The following PCDH9 variants were observed in gnomAD, a reference collection of about 807,000 sequenced individuals.
The protein encoded by PCDH9 is protocadherin-9.
A neutral mutation model predicts 70.6 loss-of-function variants in PCDH9; 24 were observed. The ratio of observed to expected loss-of-function variants is 0.34; its 90% CI spans 0.25 to 0.48. The LOEUF (loss-of-function observed/expected upper bound fraction) is 0.48, where lower values mean the gene tolerates loss of function less well. Among genes scored for constraint, PCDH9 ranks in the 20% least tolerant of loss-of-function variants. The pLI is 0.99. For synonymous variants in PCDH9, 562 were observed against 558.5 expected (o/e 1.01, Z -0.09); for missense variants, 1,281 against 1,503.6 (o/e 0.85, Z 2.45).
rs2138143067 is a variant in PCDH9 at position 67,226,831 on chromosome 13, C to T, written c.1610G>A (p.Arg537Gln). ...CCTGGCAGTTACTGTAAAAATGAAT[C>T]GTTCTTGTTCTTCTCTGTCAAATAC... ...SRVFDREEQE[R>Q]FIFTVTARDN... Residue 537 changes from arginine (R) to glutamine (Q), a missense_variant, in exon 2 of 5, where the codon CGA becomes CAA. By Grantham distance (43) the Arg-to-Gln change is conservative (BLOSUM62 1). Coordinates refer to ENST00000377865, the MANE Select transcript of PCDH9 (RefSeq NM_203487.3). This position sits in a 1 kb window ranked among gnomAD's most constrained non-coding sequence, Gnocchi z 5.0. 1 of 1,614,094 alleles carries T rather than the reference C, an allele frequency of 6.2e-7. No individual in the cohort carries two copies. Among genetic ancestry groups the T allele is most frequent in the Non-Finnish European group, 8.5e-7 (1 of 1,180,006 alleles).
chr13:66,430,468 T>G (rs1566319320), intron 4 of PCDH9, among the ~76,000 whole-genome samples: 1 of 151,994 alleles, frequency 6.6e-6, no homozygotes, highest in Non-Finnish European at 1.5e-5. Flanking sequence ...GAGTGAAGGA[T>G]GCATTTTTAA....
chr13:66,581,174 A>T (rs1341658401), intron 4 of PCDH9, among the ~76,000 whole-genome samples: 1 of 152,216 alleles, frequency 6.6e-6, no homozygotes, highest in Non-Finnish European at 1.5e-5. Flanking sequence ...TGAATTCCAG[A>T]CAACAAAACA....
intron 2 of PCDH9, among the ~76,000 whole-genome samples, chr13:67,021,325 C>G (rs996740349): frequency 6.6e-6 from 1 of 152,120 alleles, no homozygotes; most frequent in Non-Finnish European, 1.5e-5. Context: ...TGCCTGAGCA[C>G]CAAGTACTCA....
At chr13:67,059,470 G>T (rs979082040) in intron 2 of PCDH9, among the ~76,000 whole-genome samples, 3 of 148,412 alleles carry the variant, frequency 2.0e-5, no homozygotes, top group Admixed American at 6.8e-5. Context: ...ATACAGCAAG[G>T]TATGGAATGC....
chr13:66,807,518 T>G (rs547160447), intron 3 of PCDH9, among the ~76,000 whole-genome samples: 1 of 152,172 alleles, frequency 6.6e-6, no homozygotes, highest in Non-Finnish European at 1.5e-5. Flanking sequence ...GATGTATAAG[T>G]TCCTTAACTT....
chr13:66,895,796 T>G (rs2082168317), intron 3 of PCDH9, among the ~76,000 whole-genome samples: 1 of 152,262 alleles, frequency 6.6e-6, no homozygotes, highest in Non-Finnish European at 1.5e-5. Flanking sequence ...CTCTACATTT[T>G]CGTTGTTTTG....
intron 2 of PCDH9, among the ~76,000 whole-genome samples, chr13:67,109,394 C>G (rs1383408729): frequency 6.6e-6 from 1 of 152,098 alleles, no homozygotes; most frequent in Non-Finnish European, 1.5e-5. Context: ...CTAAGTAAGT[C>G]AATAATGTAG....
At chr13:66,753,681 T>C (rs1456482799) in intron 3 of PCDH9, among the ~76,000 whole-genome samples, 1 of 152,202 alleles carries the variant, frequency 6.6e-6, no homozygotes, top group African/African-American at 2.4e-5. Context: ...CATCATCATC[T>C]GTCTTCTCAC....
chr13:67,163,847 T>C (rs927554163), intron 2 of PCDH9, among the ~76,000 whole-genome samples: 23 of 152,340 alleles, frequency 1.5e-4, no homozygotes, highest in Non-Finnish European at 2.6e-4. Context: ...GTAATCCAGA[T>C]TCTTTATTAG....
chr13:66,402,234 C>T (rs1957200937), intron 4 of PCDH9, among the ~76,000 whole-genome samples: 2 of 152,096 alleles, frequency 1.3e-5, no homozygotes, highest in South Asian at 4.1e-4. Context: ...GAAGGGAAAA[C>T]ATCATTCCTT....
intron 2 of PCDH9, among the ~76,000 whole-genome samples, chr13:67,016,735 CTTGTTTCATAGCTAA>C (rs2084569899): frequency 6.6e-6 from 1 of 152,084 alleles, no homozygotes; most frequent in African/African-American, 2.4e-5. Flanking sequence ...GCACATTTGA[CTTGTTTCATAGCTAA>C]TATTTTAGCA....
At chr13:66,483,589 C>T (rs1475080344) in intron 4 of PCDH9, among the ~76,000 whole-genome samples, 1 of 152,182 alleles carries the variant, frequency 6.6e-6, no homozygotes, top group Non-Finnish European at 1.5e-5. Context: ...AATACTCTTG[C>T]TAAAAGCAAC....
intron 3 of PCDH9, among the ~76,000 whole-genome samples, chr13:66,863,109 G>A (rs79052535): frequency 0.011 from 1,706 of 152,116 alleles, 29 homozygotes; most frequent in African/African-American, 0.039. Flanking sequence ...GTACTCAGAG[G>A]CGAATTTAAA....
At chr13:67,071,055 A>G (rs1484495693) in intron 2 of PCDH9, among the ~76,000 whole-genome samples, 1 of 152,174 alleles carries the variant, frequency 6.6e-6, no homozygotes, top group Non-Finnish European at 1.5e-5. Context: ...TTCCCAAACA[A>G]GAGGCACTAT....
chr13:66,956,415 T>C (rs1030432003), intron 2 of PCDH9, among the ~76,000 whole-genome samples: 5 of 152,184 alleles, frequency 3.3e-5, no homozygotes, highest in African/African-American at 1.2e-4. Flanking sequence ...GGTGAGGTTA[T>C]GTGATAGTCA....
chr13:66,436,493 T>A (rs1455544496), intron 4 of PCDH9, among the ~76,000 whole-genome samples: 1 of 152,164 alleles, frequency 6.6e-6, no homozygotes, highest in Non-Finnish European at 1.5e-5. Context: ...GGGTTGGAGA[T>A]TCCTAAAGGT....
chr13:66,358,492 T>A (rs1956420175), intron 4 of PCDH9, among the ~76,000 whole-genome samples: 1 of 152,018 alleles, frequency 6.6e-6, no homozygotes, highest in Non-Finnish European at 1.5e-5. Context: ...AAAATGATTT[T>A]AAAATAGTTA....
intron 4 of PCDH9, among the ~76,000 whole-genome samples, chr13:66,555,584 C>T (rs548137249): frequency 4.0e-5 from 6 of 149,236 alleles, no homozygotes; most frequent in Non-Finnish European, 9.0e-5. Flanking sequence ...TATATTCAAA[C>T]TTGTCATTTA....
intron 2 of PCDH9, among the ~76,000 whole-genome samples, chr13:67,174,306 G>GATACATACATAC (rs768285646): frequency 1.5e-4 from 22 of 142,498 alleles, no homozygotes; most frequent in South Asian, 8.9e-4. Context: ...TAGATAGATA[G>GATACATACATAC]ATAGATAGAT....
Sources: allele counts gnomAD v4.1 joint callset (sites outside exome capture counted in the v4.1 genomes callset), GRCh38; gene constraint gnomAD v4.1.1; non-coding constraint Gnocchi (gnomAD v3.1); transcripts MANE v1.5; gene names NCBI Gene and HGNC (gene_info 2026-07-23, HGNC 2026-07-21).